AMDHD1: variants seen among roughly 807,000 people sequenced by gnomAD.
AMDHD1 encodes probable imidazolonepropionase.
Under a neutral mutation model 44.1 loss-of-function variants are expected in AMDHD1, and 45 were observed. That is an observed-to-expected ratio of 1.02 (90% confidence interval 0.80 to 1.31). AMDHD1 has a LOEUF of 1.31. Ranked by LOEUF, AMDHD1 falls within the 50% of genes most tolerant of loss-of-function variation. The pLI is 0.00. For synonymous variants in AMDHD1, 206 were observed against 205.0 expected, an observed-to-expected ratio of 1.00 and a Z score of -0.04; for missense variants, 586 against 552.1, an observed-to-expected ratio of 1.06 and a Z score of -0.61.
rs1435882794 is a variant in AMDHD1 at position 95,948,455 on chromosome 12, T to G, written c.138-4262T>G. Among the ~76,000 whole-genome samples, 182 of 44,802 alleles carry G rather than the reference T, an allele frequency of 4.1e-3. 18 individuals carry two copies. The highest frequency in any genetic ancestry group is 4.7e-3 in the Non-Finnish European group (120 of 25,442). 29.4% of individuals were successfully genotyped at this position (44,802 alleles called of 152,430 possible). ...CCCCTACTGGGAAGTGAGGAGCCCC[T>G]CTGCCCGGCCAGCCGCCCCGTCCGG... On this transcript the variant is annotated intron_variant, in intron 1 of 8. Coordinates refer to ENST00000266736, the MANE Select transcript of AMDHD1 (RefSeq NM_152435.3).
At chr12:95,955,127 A>C in intron 3 of AMDHD1, 152 bp downstream of exon 3, 1 of 744,916 alleles carries the variant, frequency 1.3e-6, no homozygotes, top group South Asian at 1.7e-5. Flanking sequence ...AAATGACAAC[A>C]AAACTTATTT....
chr12:95,964,608 T>C (rs1336476123), intron 6 of AMDHD1, among the ~76,000 whole-genome samples: 1 of 152,074 alleles, frequency 6.6e-6, no homozygotes, highest in Non-Finnish European at 1.5e-5. Flanking sequence ...CCTCCTCTCA[T>C]ACGTTGTTGA....
At chr12:95,960,294 C>A in intron 4 of AMDHD1, 104 bp from the exon 5 acceptor site, 1 of 948,438 alleles carries the variant, frequency 1.1e-6, no homozygotes, top group Non-Finnish European at 1.6e-6. Context: ...GGCTTGAAGT[C>A]ATTTACCTCT....
chr12:95,962,258 C>T (rs1165763880), intron 5 of AMDHD1, 97 bp from the exon 6 acceptor site: 12 of 1,443,902 alleles, frequency 8.3e-6, no homozygotes, highest in Middle Eastern at 2.4e-4. Context: ...AGCAAGACTC[C>T]GTCTCAAAAA....
chr12:95,959,854 G>A (rs2080571940), intron 4 of AMDHD1, among the ~76,000 whole-genome samples: 2 of 138,858 alleles, frequency 1.4e-5, no homozygotes, highest in South Asian at 2.2e-4. Context: ...GGAGTGCAGT[G>A]GTGCGATCTC....
At chr12:95,962,559 A>G in intron 6 of AMDHD1, 80 bp downstream of exon 6, 1 of 1,435,864 alleles carries the variant, frequency 7.0e-7, no homozygotes. Context: ...CCCAGACATT[A>G]TTTCATTGCC....
In AMDHD1 at chr12:95,950,413, C is replaced by T. The variant is rs138958180; in HGVS notation, c.138-2304C>T. Among the ~76,000 whole-genome samples, 27 of 152,308 alleles carry T rather than the reference C, an allele frequency of 1.8e-4. No homozygotes were observed. The East Asian group carries it at 2.9e-3, about 16-fold the overall frequency. On this transcript the variant is annotated intron_variant, in intron 1 of 8. Transcript: ENST00000266736. Reference sequence around the variant, plus strand: ...TACCCCAACCACTTCTGTCCCAGTTCGGAATCCCTTATCCTAATTGCTTTT... The same window carrying T: ...TACCCCAACCACTTCTGTCCCAGTTTGGAATCCCTTATCCTAATTGCTTTT...
At chr12:95,955,733 G>C (rs1038358689) in intron 3 of AMDHD1, among the ~76,000 whole-genome samples, 2 of 152,156 alleles carry the variant, frequency 1.3e-5, no homozygotes, top group Admixed American at 1.3e-4. Context: ...AGCGTCACCA[G>C]CTGGAGGATG....
At chr12:95,951,253 C>T (rs983716089) in intron 1 of AMDHD1, among the ~76,000 whole-genome samples, 3 of 152,148 alleles carry the variant, frequency 2.0e-5, no homozygotes, top group African/African-American at 4.8e-5. Context: ...TTCTTCCCAG[C>T]CTCTGGTAAC....
chr12:95,966,215 T>G, intron 7 of AMDHD1, 133 bp from the exon 8 acceptor site: 3 of 932,540 alleles, frequency 3.2e-6, no homozygotes, highest in Middle Eastern at 3.1e-4. Context: ...AAACTTAGAT[T>G]TTTCCCATTG....
At chr12:95,944,085 A>G (rs936896290) in intron 1 of AMDHD1, among the ~76,000 whole-genome samples, 1 of 152,154 alleles carries the variant, frequency 6.6e-6, no homozygotes, top group Non-Finnish European at 1.5e-5. Flanking sequence ...TCAAGATTTG[A>G]CCATCAGAAA....
In AMDHD1 at chr12:95,966,575, C is replaced by T. The variant is rs2080612356; in HGVS notation, c.1193+67C>T. On this transcript the variant is annotated intron_variant, in intron 8 of 8. Transcript: ENST00000266736. Reference sequence around the variant, plus strand: ...GAAGTATGCAGATGAGGCCTAAATCCCTTTTCCACTAATTATTAGTGTCAG... The same window carrying T: ...GAAGTATGCAGATGAGGCCTAAATCTCTTTTCCACTAATTATTAGTGTCAG... 5 of 1,558,210 alleles carry T rather than the reference C, an allele frequency of 3.2e-6. No individual in the cohort carries two copies. In the South Asian group the frequency reaches 4.5e-5, roughly 14 times the overall value.
At chr12:95,948,331 C>T (rs2080509957) in intron 1 of AMDHD1, among the ~76,000 whole-genome samples, 1 of 78,800 alleles carries the variant, frequency 1.3e-5, no homozygotes, top group South Asian at 4.4e-4. Flanking sequence ...GCCCCCCACC[C>T]GGCCAGCCGC....
chr12:95,948,034 G>A (rs2080507170), intron 1 of AMDHD1, among the ~76,000 whole-genome samples: 1 of 96,618 alleles, frequency 1.0e-5, no homozygotes. Flanking sequence ...CCGGGAGGGA[G>A]GTGGGGGGGT....
chr12:95,955,500 G>C (rs2080545449), intron 3 of AMDHD1, among the ~76,000 whole-genome samples: 1 of 151,948 alleles, frequency 6.6e-6, no homozygotes, highest in African/African-American at 2.4e-5. Context: ...AGCTAAACTG[G>C]CTTATTTCAG....
chr12:95,959,028 C>T (rs930211129), intron 4 of AMDHD1, among the ~76,000 whole-genome samples: 1 of 151,576 alleles, frequency 6.6e-6, no homozygotes, highest in Admixed American at 6.6e-5. Flanking sequence ...GCACTCCAGC[C>T]TGGGCAACAA....
At chr12:95,951,663 T>A (rs554109851) in intron 1 of AMDHD1, among the ~76,000 whole-genome samples, 4 of 152,332 alleles carry the variant, frequency 2.6e-5, no homozygotes, top group African/African-American at 9.6e-5. Flanking sequence ...GGAACTTTCA[T>A]ACTCTCCATA....
At chr12:95,957,039 CT>C in intron 4 of AMDHD1, 77 bp downstream of exon 4, 1 of 1,564,728 alleles carries the variant, frequency 6.4e-7, no homozygotes, top group Non-Finnish European at 8.7e-7. Flanking sequence ...CGCATTAGCA[CT>C]TTAGCTCTTG....
chr12:95,968,053 T>C lies in AMDHD1; in HGVS notation c.*210T>C. 5.9e-6 allele frequency: 2 copies of C among 341,176 alleles called. No homozygotes were observed. The highest frequency in any genetic ancestry group is 4.3e-5 in the African/African-American group (2 of 46,724). The allele number at this position is 341,176 out of a possible 1,614,324, so 21.1% of individuals were successfully genotyped here. A position where few individuals can be genotyped will look rare whatever the true frequency, so the allele number is the denominator to read the frequency against. On this transcript the variant is annotated 3_prime_UTR_variant, in exon 9 of 9. Coordinates refer to ENST00000266736, the MANE Select transcript of AMDHD1 (RefSeq NM_152435.3). Reference sequence around the variant, plus strand: ...ATATAAACAGGTAAACCTATTGTGATTAAAATCACAAAACATCCAATTAGT... The same window carrying C: ...ATATAAACAGGTAAACCTATTGTGACTAAAATCACAAAACATCCAATTAGT...
Sources: allele counts gnomAD v4.1 joint callset (sites outside exome capture counted in the v4.1 genomes callset), GRCh38; gene constraint gnomAD v4.1.1; transcripts MANE v1.5; gene names NCBI Gene and HGNC (gene_info 2026-07-23, HGNC 2026-07-21).